Variants in COL20A1 observed in about 807,000 individuals in gnomAD.
COL20A1 encodes the protein collagen alpha-1(XX) chain.
COL20A1 carries 164 observed loss-of-function variants against 152.9 expected under a neutral mutation model. The observed-to-expected ratio is 1.07, with a 90% CI of 0.94 to 1.22. The LOEUF (loss-of-function observed/expected upper bound fraction) is 1.22. Ranked by LOEUF, COL20A1 falls within the 50% of genes most tolerant of loss-of-function variation. The probability of loss-of-function intolerance (pLI) is 0.00; values close to 1 mark genes in which losing one functional copy is unlikely to be tolerated. For missense variants in COL20A1, 1,873 were observed against 1,744.8 expected, an observed-to-expected ratio of 1.07 and a Z score of -1.31; for synonymous variants, 864 against 756.0, an observed-to-expected ratio of 1.14 and a Z score of -2.34.
At position 63,310,601 on chromosome 20, in the gene COL20A1, G is replaced by A. The variant is rs1178273977; in HGVS notation, c.1393+91G>A. 1.5e-5 allele frequency: 21 copies of A among 1,368,768 alleles called. No individual in the cohort carries two copies. In the South Asian group the frequency reaches 1.7e-4, roughly 11 times the overall value. The allele number at this position is 1,368,768 out of a possible 1,614,324, so 84.8% of individuals were successfully genotyped here. A position where few individuals can be genotyped will look rare whatever the true frequency, so the allele number is the denominator to read the frequency against. ...GCCTGACACCCCAGGGCAGCATAGC[G>A]AGCAGCTCTGGATCTTAACCACCCA... On this transcript the variant is annotated intron_variant, in intron 11 of 35. Transcript: ENST00000358894.
rs966817772 is a variant in COL20A1, at chr20:63,305,527, G to C, written c.304G>C (p.Gly102Arg). 6.2e-7 allele frequency: 1 copy of C among 1,605,798 alleles called. No individual in the cohort carries two copies. Residue 102 changes from glycine to arginine, a missense_variant, in exon 4 of 36, where the codon GGG (glycine) becomes CGG (arginine). Physicochemically the swap from Gly to Arg is moderately radical, Grantham distance 125 (BLOSUM62 -2). Coordinates refer to ENST00000358894, the MANE Select transcript of COL20A1 (RefSeq NM_020882.4). This position sits in a 1 kb window ranked among gnomAD's most constrained non-coding sequence, Gnocchi z 4.9. ...GCAGATCTTCGAGCTCACTGGCTCT[G>C]GGCGCTTCCTGCTAGCTCGGAGGGA... is the stretch of plus-strand genomic sequence containing the variant. ...TLQIFELTGS[G>R]RFLLARREFV...
rs534947600 is a variant in COL20A1 at position 63,305,912 on chromosome 20, G to A, written c.369G>A (p.Arg123=). 15 of 1,612,972 alleles carry A rather than the reference G, an allele frequency of 9.3e-6. No individual in the cohort carries two copies. The highest frequency in any genetic ancestry group is 1.6e-4 in the Middle Eastern group (1 of 6,062). ...IEDLKSSSLD[R]SSQRPLGSGA... ...ATCTGAAGAGTAGCTCCCTGGACAGGAGCAGCCAGAGGCCCCTCGGCTCTG... is the reference window on the plus strand; with the variant it reads ...ATCTGAAGAGTAGCTCCCTGGACAGAAGCAGCCAGAGGCCCCTCGGCTCTG... The change falls in exon 5 of 36, where the codon AGG becomes AGA. Residue 123 remains arginine (R), a synonymous_variant. Coordinates refer to ENST00000358894, the MANE Select transcript of COL20A1 (RefSeq NM_020882.4). The surrounding 1 kb of genome is among the most constrained non-coding windows in gnomAD (Gnocchi z 4.9).
Position 63,327,748 on chromosome 20 carries a change from A to G in COL20A1, c.3529-204A>G, listed in dbSNP as rs575252969. On this transcript the variant is annotated intron_variant, in intron 31 of 35. Transcript: ENST00000358894. ...AGCCCCACTCAGGACTCTGCTGCAGAACCGAGCCTCTCACATGCCTGCTCT... is the reference window on the plus strand; with the variant it reads ...AGCCCCACTCAGGACTCTGCTGCAGGACCGAGCCTCTCACATGCCTGCTCT... The G allele has an allele frequency of 1.7e-5, 10 of 602,842 alleles. 1 individual carries two copies. In the African/African-American group the frequency reaches 1.7e-4, roughly 10 times the overall value. 37.3% of individuals were successfully genotyped at this position (602,842 alleles called of 1,614,324 possible).
At chr20:63,310,826 G>T (rs6011727) in intron 11 of COL20A1, among the ~76,000 whole-genome samples, 10,092 of 152,082 alleles carry the variant, frequency 0.066, 392 homozygotes, top group South Asian at 0.11. Context: ...TAGCTCGCTG[G>T]GTTCTTGGAC....
rs1337108491 is a variant in COL20A1 at position 63,316,565 on chromosome 20, T to C, written c.2537T>C (p.Met846Thr). 1 of 1,591,600 alleles carries C rather than the reference T, an allele frequency of 6.3e-7. No homozygotes were observed. The highest frequency in any genetic ancestry group is 1.8e-5 in the Admixed American group (1 of 56,548). ...PDGSLPGFDLMVAFSLVEKAY... is the reference protein window; with the variant it reads ...PDGSLPGFDLTVAFSLVEKAY... Reference sequence around the variant, plus strand: ...CCATCTTCCCCAGGGTTTGACCTGATGGTGGCCTTCAGCCTGGTGGAAAAG... The same window carrying C: ...CCATCTTCCCCAGGGTTTGACCTGACGGTGGCCTTCAGCCTGGTGGAAAAG... Residue 846 changes from methionine (M) to threonine (T), a missense_variant, in exon 21 of 36, where the codon ATG (methionine) becomes ACG (threonine). Met to Thr is a moderately conservative substitution (Grantham distance 81). Transcript: ENST00000358894.
intron 27 of COL20A1, chr20:63,324,608 A>C (rs1167496299): frequency 1.3e-5 from 2 of 152,506 alleles, no homozygotes; most frequent in Non-Finnish European, 2.9e-5. Flanking sequence ...ATATCCCTAA[A>C]TACTGGATGA....
intron 19 of COL20A1, among the ~76,000 whole-genome samples, chr20:63,314,711 G>A (rs1281803322): frequency 2.0e-5 from 3 of 152,206 alleles, no homozygotes; most frequent in Middle Eastern, 6.8e-3. Flanking sequence ...TGCCCATGAA[G>A]GGTTCCGAGC....
Position 63,311,977 on chromosome 20 carries a change from G to C in COL20A1, c.1725G>C (p.Val575=). 1.9e-6 allele frequency: 3 copies of C among 1,602,836 alleles called. No homozygotes were observed. Among genetic ancestry groups the C allele is most frequent in the Non-Finnish European group, 1.7e-6 (2 of 1,176,258 alleles). ...FSDVSHDAAR[V]FWEGAPRPVR... ...ACGTGAGCCACGACGCGGCACGAGT[G>C]TTCTGGGAGGGTGCCCCGAGGCCTG... is the stretch of plus-strand genomic sequence containing the variant. Residue 575 remains valine (V), a synonymous_variant, in exon 14 of 36, where the codon GTG becomes GTC. Coordinates refer to ENST00000358894, the MANE Select transcript of COL20A1 (RefSeq NM_020882.4). The surrounding 1 kb of genome is among the most constrained non-coding windows in gnomAD (Gnocchi z 4.4).
chr20:63,307,383 G>A, intron 5 of COL20A1, 107 bp from the exon 6 acceptor site: 2 of 1,099,600 alleles, frequency 1.8e-6, no homozygotes, highest in East Asian at 2.5e-5. Flanking sequence ...CTGAAACCTG[G>A]CCCAGCCTGC....
rs771979301 is a variant in COL20A1, at chr20:63,312,044, C to T, written c.1792C>T (p.His598Tyr). The part of the protein sequence containing the change: ...RVTYVSSEGG[H>Y]SGQTEAPGNA... ...CACCTATGTGTCCAGCGAGGGTGGA[C>T]ACTCGGGGCAGGTGAGAGCAGAGCC... Residue 598 changes from histidine to tyrosine, a missense_variant, in exon 14 of 36, where the codon CAC (histidine) becomes TAC (tyrosine). His to Tyr is a moderately conservative substitution (Grantham distance 83). Coordinates refer to ENST00000358894, the MANE Select transcript of COL20A1 (RefSeq NM_020882.4). The T allele has an allele frequency of 1.3e-5, 20 of 1,582,848 alleles. No homozygotes were observed. Among genetic ancestry groups the T allele is most frequent in the Non-Finnish European group, 1.6e-5 (19 of 1,163,690 alleles).
chr20:63,326,982 C>T (rs6090364), intron 31 of COL20A1, among the ~76,000 whole-genome samples, 159 bp downstream of exon 31: 6,398 of 152,096 alleles, frequency 0.042, 472 homozygotes, highest in African/African-American at 0.15. Flanking sequence ...TTCCTGTTGA[C>T]AGCTTCCTGT....
chr20:63,324,411 C>A lies in COL20A1; in HGVS notation c.3295-1030C>A, dbSNP rs1336371220. ...TTTTCTTCTTGGCCTAACAGAAGTG[C>A]TTCTAGCATTTGACCATTAAAGTGC... On this transcript the variant is annotated intron_variant, in intron 27 of 35. Transcript: ENST00000358894. 2.0e-5 allele frequency: 3 copies of A among 152,352 alleles called. No individual in the cohort carries two copies. In the East Asian group the frequency reaches 5.8e-4, roughly 29 times the overall value. 9.4% of individuals were successfully genotyped at this position (152,352 alleles called of 1,614,324 possible). A position where few individuals can be genotyped will look rare whatever the true frequency, so the allele number is the denominator to read the frequency against.
intron 3 of COL20A1, among the ~76,000 whole-genome samples, chr20:63,302,527 G>A (rs1056880577): frequency 2.0e-5 from 3 of 152,112 alleles, no homozygotes; most frequent in African/African-American, 7.2e-5. Flanking sequence ...CACTGTGTTG[G>A]CCAGGCTGGT....
In COL20A1 at chr20:63,308,765, G is replaced by T. The variant is rs940399648; in HGVS notation, c.940+59G>T. 10 of 1,423,284 alleles carry T rather than the reference G, an allele frequency of 7.0e-6. No individual in the cohort carries two copies. In the Admixed American group the frequency reaches 2.2e-4, roughly 32 times the overall value. 88.2% of individuals were successfully genotyped at this position (1,423,284 alleles called of 1,614,324 possible). A position where few individuals can be genotyped will look rare whatever the true frequency, so the allele number is the denominator to read the frequency against. ...CTCACCGCCGGGTGGGTTTAGGGTC[G>T]CAGCAGGGAGCTTGCATTGGGCACC... On this transcript the variant is annotated intron_variant, in intron 8 of 35. Coordinates refer to ENST00000358894, the MANE Select transcript of COL20A1 (RefSeq NM_020882.4).
intron 31 of COL20A1, chr20:63,327,491 G>C (rs2068269234): frequency 4.9e-6 from 1 of 204,272 alleles, no homozygotes; most frequent in Non-Finnish European, 1.0e-5. Flanking sequence ...GTGTCCCCTG[G>C]GGGATGCCTT....
At chr20:63,314,242 C>A in intron 19 of COL20A1, 41 bp downstream of exon 19, 2 of 1,524,092 alleles carry the variant, frequency 1.3e-6, no homozygotes, top group South Asian at 1.2e-5. Flanking sequence ...TAGACCCAGC[C>A]CCAGCCGGGC....
At chr20:63,298,177 CTT>C (rs2123373144) in intron 3 of COL20A1, among the ~76,000 whole-genome samples, 157 bp downstream of exon 3, 2 of 152,378 alleles carry the variant, frequency 1.3e-5, no homozygotes, top group East Asian at 3.9e-4. Context: ...ACCCACATTC[CTT>C]TCCCCCGTCA....
chr20:63,313,578 G>C lies in COL20A1; in HGVS notation c.2210-165G>C, dbSNP rs995631219. Among the ~76,000 whole-genome samples the C allele has an allele frequency of 2.6e-5, 4 of 152,122 alleles. No homozygotes were observed. Among genetic ancestry groups the C allele is most frequent in the African/African-American group, 9.7e-5 (4 of 41,418 alleles). On this transcript the variant is annotated intron_variant, in intron 17 of 35. Coordinates refer to ENST00000358894, the MANE Select transcript of COL20A1 (RefSeq NM_020882.4). The surrounding 1 kb of genome is among the most constrained non-coding windows in gnomAD (Gnocchi z 5.9). Reference sequence around the variant, plus strand: ...CGGTGTGGGCAGTGGCAGGGGTGTGGTGTGGTTGTGCCAGGGGGGTGATGC... The same window carrying C: ...CGGTGTGGGCAGTGGCAGGGGTGTGCTGTGGTTGTGCCAGGGGGGTGATGC...
intron 3 of COL20A1, among the ~76,000 whole-genome samples, chr20:63,303,354 A>G (rs533879629): frequency 2.6e-5 from 4 of 152,266 alleles, no homozygotes; most frequent in African/African-American, 9.6e-5. Context: ...CCCGGCTTTT[A>G]AAATTCTATA....
Sources: gnomAD v4.1 joint callset for allele counts (sites outside exome capture counted in the v4.1 genomes callset) on GRCh38, gnomAD v4.1.1 for gene constraint, Gnocchi (gnomAD v3.1) non-coding constraint, MANE v1.5 for transcripts, NCBI Gene and HGNC (gene_info 2026-07-23, HGNC 2026-07-21) for gene names.